RASSF9: variants seen among roughly 807,000 people sequenced by gnomAD.
The protein encoded by RASSF9 is ras association domain-containing protein 9.
Under a neutral mutation model 21.4 loss-of-function variants are expected in RASSF9, and 18 were observed. The ratio of observed to expected loss-of-function variants is 0.84; its 90% confidence interval spans 0.58 to 1.25. The LOEUF is 1.25. RASSF9 is among the 50% of genes most tolerant of loss of function. The pLI, the probability that RASSF9 is intolerant of heterozygous loss-of-function variation, is 0.00. For synonymous variants in RASSF9, 183 were observed against 179.1 expected, an observed-to-expected ratio of 1.02 and a Z score of -0.18; for missense variants, 480 against 503.2, an observed-to-expected ratio of 0.95 and a Z score of 0.44.
intron 1 of RASSF9, among the ~76,000 whole-genome samples, chr12:85,822,900 C>A (rs958207258): frequency 6.6e-6 from 1 of 152,108 alleles, no homozygotes; most frequent in Non-Finnish European, 1.5e-5. Context: ...CCTCAGCCCA[C>A]CACAAAATGT....
Position 85,805,912 on chromosome 12 carries a change from A to T in RASSF9, c.98T>A (p.Val33Asp). 6.2e-7 allele frequency: 1 copy of T among 1,613,340 alleles called. No homozygotes were observed. ...ACAGACAAGCTTCTCTTCTTGGCAAACCCAAACCACAATTTCCTTCTCTTC... is the reference window on the plus strand; with the variant it reads ...ACAGACAAGCTTCTCTTCTTGGCAATCCCAAACCACAATTTCCTTCTCTTC... ...DSEEKEIVVW[V>D]CQEEKLVCGL... The change falls in exon 2 of 2, where the codon GTT becomes GAT. Residue 33 changes from valine (V) to aspartate (D), a missense_variant. Transcript: ENST00000361228.
Position 85,836,143 on chromosome 12 carries a change from G to A in RASSF9, c.47+12C>T, listed in dbSNP as rs374976310. On this transcript the variant is annotated intron_variant, in intron 1 of 1. Transcript: ENST00000361228. ...GAGACACACACACACTTACTCACAC[G>A]CTTGACTTTACCTGTTTTTATGCCG... The A allele has an allele frequency of 3.4e-5, 53 of 1,547,580 alleles. No individual in the cohort carries two copies. Among genetic ancestry groups the A allele is most frequent in the Non-Finnish European group, 3.8e-5 (44 of 1,145,272 alleles).
At chr12:85,809,748 A>T (rs967914507) in intron 1 of RASSF9, among the ~76,000 whole-genome samples, 1 of 151,724 alleles carries the variant, frequency 6.6e-6, no homozygotes, top group African/African-American at 2.4e-5. Flanking sequence ...CATGACCCCT[A>T]TTCCAATTGG....
At chr12:85,821,652 T>A (rs1335507882) in intron 1 of RASSF9, among the ~76,000 whole-genome samples, 1 of 151,230 alleles carries the variant, frequency 6.6e-6, no homozygotes, top group Non-Finnish European at 1.5e-5. Flanking sequence ...TATGTTTGTG[T>A]ATATACGAGT....
At chr12:85,818,119 A>C (rs2136556730) in intron 1 of RASSF9, among the ~76,000 whole-genome samples, 2 of 152,360 alleles carry the variant, frequency 1.3e-5, no homozygotes, top group South Asian at 2.1e-4. Context: ...AAAAATAGTA[A>C]GATAACTAAA....
intron 1 of RASSF9, among the ~76,000 whole-genome samples, chr12:85,811,670 A>G (rs550500015): frequency 2.0e-5 from 3 of 151,980 alleles, no homozygotes; most frequent in Non-Finnish European, 4.4e-5. Context: ...CCAGAATTCA[A>G]TCGGGTCATG....
chr12:85,827,184 A>G (rs1880352444), intron 1 of RASSF9, among the ~76,000 whole-genome samples: 1 of 152,164 alleles, frequency 6.6e-6, no homozygotes, highest in Non-Finnish European at 1.5e-5. Flanking sequence ...AAGAATCACT[A>G]ATTTTCCACA....
chr12:85,818,956 CAAAAAAAA>C (rs60760019), intron 1 of RASSF9, among the ~76,000 whole-genome samples: 8 of 66,626 alleles, frequency 1.2e-4, no homozygotes, highest in African/African-American at 4.3e-4. Context: ...GAGACTCCGT[CAAAAAAAA>C]AAAAAAAAAA....
intron 1 of RASSF9, among the ~76,000 whole-genome samples, chr12:85,810,903 T>C (rs1879938849): frequency 7.4e-6 from 1 of 135,168 alleles, no homozygotes. Context: ...GTAAAATTGT[T>C]ATTTGTTCTG....
intron 1 of RASSF9, among the ~76,000 whole-genome samples, chr12:85,820,047 T>C (rs1290887346): frequency 6.6e-6 from 1 of 152,238 alleles, no homozygotes; most frequent in East Asian, 1.9e-4. Flanking sequence ...TACCACAGTG[T>C]TGGCAAACTA....
chr12:85,807,285 G>C (rs1879856545), intron 1 of RASSF9, among the ~76,000 whole-genome samples: 1 of 152,154 alleles, frequency 6.6e-6, no homozygotes, highest in Admixed American at 6.5e-5. Context: ...ATTGCTGCTG[G>C]TGGGAAGGAG....
intron 1 of RASSF9, among the ~76,000 whole-genome samples, chr12:85,824,875 A>G (rs1039516369): frequency 1.3e-5 from 2 of 151,936 alleles, no homozygotes; most frequent in Non-Finnish European, 2.9e-5. Flanking sequence ...GTCCTGAAAC[A>G]CTCTTTGATC....
chr12:85,817,936 G>T (rs1032073935), intron 1 of RASSF9, among the ~76,000 whole-genome samples: 5 of 152,108 alleles, frequency 3.3e-5, no homozygotes, highest in African/African-American at 1.2e-4. Context: ...CATAGAAGTT[G>T]TCCTCAATAC....
rs577846100 is a variant in RASSF9 at position 85,834,492 on chromosome 12, T to C, written c.47+1663A>G. Among the ~76,000 whole-genome samples the C allele has an allele frequency of 3.3e-5, 5 of 152,212 alleles. No homozygotes were observed. The South Asian group carries it at 1.0e-3, about 32-fold the overall frequency. On this transcript the variant is annotated intron_variant, in intron 1 of 1. Transcript: ENST00000361228. ...TAGTAGAGTGGCAGAACTGATGTAA[T>C]GAAATTGAAGAATGCACTTCCCTGA... is the stretch of plus-strand genomic sequence containing the variant.
At chr12:85,823,941 T>C (rs1880272093) in intron 1 of RASSF9, among the ~76,000 whole-genome samples, 1 of 152,196 alleles carries the variant, frequency 6.6e-6, no homozygotes, top group South Asian at 2.1e-4. Flanking sequence ...TGGTAAGTGA[T>C]ACAATTGGCA....
At chr12:85,832,858 C>T (rs1880479673) in intron 1 of RASSF9, among the ~76,000 whole-genome samples, 2 of 151,898 alleles carry the variant, frequency 1.3e-5, no homozygotes, top group Non-Finnish European at 2.9e-5. Flanking sequence ...AACAGATTCT[C>T]TTAAAACCGA....
intron 1 of RASSF9, among the ~76,000 whole-genome samples, chr12:85,811,050 C>T (rs1879942984): frequency 6.6e-6 from 1 of 151,790 alleles, no homozygotes; most frequent in Non-Finnish European, 1.5e-5. Context: ...TTTATATGAA[C>T]TGATTATGTG....
chr12:85,826,293 T>C (rs573264942), intron 1 of RASSF9, among the ~76,000 whole-genome samples: 60 of 152,274 alleles, frequency 3.9e-4, no homozygotes, highest in African/African-American at 1.3e-3. Flanking sequence ...GGTTCTTTTT[T>C]CCATCCTGAT....
intron 1 of RASSF9, among the ~76,000 whole-genome samples, chr12:85,815,164 T>TGA (rs923630390): frequency 2.0e-5 from 3 of 151,126 alleles, no homozygotes; most frequent in Non-Finnish European, 4.4e-5. Flanking sequence ...CTGTACGAAA[T>TGA]GAGAGAGAGA....
Sources: allele counts gnomAD v4.1 joint callset (sites outside exome capture counted in the v4.1 genomes callset), GRCh38; gene constraint gnomAD v4.1.1; transcripts MANE v1.5; gene names NCBI Gene and HGNC (gene_info 2026-07-23, HGNC 2026-07-21).